MYO18A: variants seen among roughly 807,000 people sequenced by gnomAD.
The protein encoded by MYO18A is myosin XVIIIA, also known as unconventional myosin-XVIIIa.
In MYO18A, 78 loss-of-function variants were observed where a neutral mutation model predicts 235.8. The observed-to-expected ratio is 0.33, with a 90% CI of 0.28 to 0.40. MYO18A has a LOEUF of 0.40. MYO18A is among the 10% of genes least tolerant of loss of function. The pLI is 1.00. For synonymous variants in MYO18A, 977 were observed against 1,077.8 expected, an observed-to-expected ratio of 0.91 and a Z score of 1.83; for missense variants, 2,215 against 2,699.3, an observed-to-expected ratio of 0.82 and a Z score of 3.98.
chr17:29,159,470 AAAAC>A (rs1215221530), intron 2 of MYO18A, among the ~76,000 whole-genome samples: 5 of 152,196 alleles, frequency 3.3e-5, no homozygotes, highest in African/African-American at 4.8e-5. Context: ...AAAACAAAAC[AAAAC>A]AAACAAAAAA....
At chr17:29,075,881 C>G (rs574768942) in intron 41 of MYO18A, 2 of 153,366 alleles carry the variant, frequency 1.3e-5, no homozygotes, top group South Asian at 4.1e-4. Context: ...TCGGCGTGGT[C>G]CCTGGAGCTG....
chr17:29,123,644 G>T (rs925961075), intron 2 of MYO18A, among the ~76,000 whole-genome samples: 6 of 152,198 alleles, frequency 3.9e-5, no homozygotes, highest in African/African-American at 1.4e-4. Flanking sequence ...CGGGTTTCAT[G>T]GACCCATGAA....
Position 29,120,314 on chromosome 17 carries a change from G to A in MYO18A, c.1728+302C>T, listed in dbSNP as rs758059620. On this transcript the variant is annotated intron_variant, in intron 7 of 41. Transcript: ENST00000527372. This position sits in a 1 kb window ranked among gnomAD's most constrained non-coding sequence, Gnocchi z 4.2. The stretch of plus-strand genomic sequence containing the variant: ...GTGAAATCGGCCCGAGAGAAGCCCC[G>A]AGCATGAATCTCAGAAAGTGGGAAG... Among the ~76,000 whole-genome samples the A allele has an allele frequency of 2.6e-5, 4 of 152,224 alleles. No homozygotes were observed. The highest frequency in any genetic ancestry group is 6.5e-5 in the Admixed American group (1 of 15,300).
intron 20 of MYO18A, among the ~76,000 whole-genome samples, chr17:29,104,015 C>G (rs551983873): frequency 3.9e-4 from 59 of 152,318 alleles, no homozygotes; most frequent in African/African-American, 1.3e-3. Context: ...GGCAGAGGAA[C>G]CAGTGTACGC....
intron 1 of MYO18A, among the ~76,000 whole-genome samples, chr17:29,170,819 C>T (rs1386827472): frequency 6.6e-6 from 1 of 152,168 alleles, no homozygotes; most frequent in Non-Finnish European, 1.5e-5. Flanking sequence ...CTCAAATATA[C>T]ATCTATCTGT....
rs2067025008 is a variant in MYO18A at position 29,115,107 on chromosome 17, G to A, written c.2319-8C>T. On this transcript the variant is annotated splice_polypyrimidine_tract_variant and splice_region_variant and intron_variant, in intron 13 of 41. Transcript: ENST00000527372. ...TGGCTGGACTTGAGAGCCCTGGATA[G>A]GGACAGCCTGGGTCAGAGCCTCGCT... is the stretch of plus-strand genomic sequence containing the variant. 2 of 1,608,178 alleles carry A rather than the reference G, an allele frequency of 1.2e-6. No individual in the cohort carries two copies. Among genetic ancestry groups the A allele is most frequent in the African/African-American group, 2.7e-5 (2 of 74,954 alleles).
At position 29,171,474 on chromosome 17, in the gene MYO18A, A is replaced by G. The variant is rs191472589; in HGVS notation, c.-81-4453T>C. 3.3e-3 allele frequency among the ~76,000 whole-genome samples: 499 copies of G among 152,098 alleles called. 2 individuals are homozygous for G. Among genetic ancestry groups the G allele is most frequent in the Non-Finnish European group, 5.2e-3 (357 of 68,010 alleles). On this transcript the variant is annotated intron_variant, in intron 1 of 41. Transcript: ENST00000527372. ...AAGATTTGTGCATTCATTGTTTGTA[A>G]ATATCCACTCAAAAGAAAAGAACTA...
At chr17:29,146,033 G>A (rs981777147) in intron 2 of MYO18A, among the ~76,000 whole-genome samples, 14 of 152,138 alleles carry the variant, frequency 9.2e-5, no homozygotes, top group African/African-American at 3.1e-4. Flanking sequence ...CGAGGTGGGC[G>A]GACCACCTGA....
rs528195737 is a variant in MYO18A at position 29,132,113 on chromosome 17, G to A, written c.1000-9860C>T. On this transcript the variant is annotated intron_variant, in intron 2 of 41. Coordinates refer to ENST00000527372, the MANE Select transcript of MYO18A (RefSeq NM_078471.4). ...GGGAGGGAACCCTGAAGTTAGGGGC[G>A]GGGTATGGAGGAAGGAAAGATGCCT... Among the ~76,000 whole-genome samples, 36 of 152,316 alleles carry A rather than the reference G, an allele frequency of 2.4e-4. No homozygotes were observed. The South Asian group carries it at 2.5e-3, about 11-fold the overall frequency.
chr17:29,114,106 G>T lies in MYO18A; in HGVS notation c.2512-9C>A. On this transcript the variant is annotated splice_polypyrimidine_tract_variant and intron_variant, in intron 14 of 41. Transcript: ENST00000527372. ...GCCAGCTCGATGTTCTCCTGGGAAA[G>T]AAGGCCGAGCGGTAGTGAGCATGGG... is the stretch of plus-strand genomic sequence containing the variant. 6.3e-7 allele frequency: 1 copy of T among 1,587,196 alleles called. No homozygotes were observed.
intron 37 of MYO18A, among the ~76,000 whole-genome samples, chr17:29,089,552 G>A (rs2066344679): frequency 1.3e-5 from 2 of 151,666 alleles, no homozygotes; most frequent in South Asian, 2.1e-4. Context: ...GAATGAAGCA[G>A]GGAAGGGGAG....
At chr17:29,108,303 C>T (rs1403641769) in intron 19 of MYO18A, among the ~76,000 whole-genome samples, 1 of 152,064 alleles carries the variant, frequency 6.6e-6, no homozygotes, top group Non-Finnish European at 1.5e-5. Context: ...GGCTTCAGGT[C>T]AGGGGAGGTG....
chr17:29,124,366 C>A (rs1742133268), intron 2 of MYO18A, among the ~76,000 whole-genome samples: 1 of 152,192 alleles, frequency 6.6e-6, no homozygotes, highest in African/African-American at 2.4e-5. Context: ...CCAGGCCCCC[C>A]TTGGGCTCCA....
In MYO18A at chr17:29,110,107, G is replaced by T. The variant is rs200533364; in HGVS notation, c.3088-6C>A. On this transcript the variant is annotated splice_region_variant and splice_polypyrimidine_tract_variant and intron_variant, in intron 18 of 41. Coordinates refer to ENST00000527372, the MANE Select transcript of MYO18A (RefSeq NM_078471.4). ...ATGGTGTCGATGAGGGCGTCCTGCC[G>T]AGGGGAAGAGACTGCCCTCAGTGGG... The T allele has an allele frequency of 6.2e-7, 1 of 1,607,596 alleles. No individual in the cohort carries two copies. The highest frequency in any genetic ancestry group is 1.1e-5 in the South Asian group (1 of 90,914).
At chr17:29,156,176 A>G (rs1170005609) in intron 2 of MYO18A, among the ~76,000 whole-genome samples, 1 of 152,202 alleles carries the variant, frequency 6.6e-6, no homozygotes, top group Non-Finnish European at 1.5e-5. Flanking sequence ...TCCAGTATGA[A>G]GGCAGTTCAG....
rs554114239 is a variant in MYO18A at position 29,095,190 on chromosome 17, C to T, written c.4386-131G>A. ...GGACCCATGCAGCCCTAACGTGGGGCCAGTTGTAAGGTAGCGGTGACATTT... is the reference window on the plus strand; with the variant it reads ...GGACCCATGCAGCCCTAACGTGGGGTCAGTTGTAAGGTAGCGGTGACATTT... On this transcript the variant is annotated intron_variant, in intron 28 of 41. Transcript: ENST00000527372. The T allele has an allele frequency of 5.3e-5, 70 of 1,326,270 alleles. No individual in the cohort carries two copies. In the African/African-American group the frequency reaches 7.7e-4, roughly 15 times the overall value. 82.2% of individuals were successfully genotyped at this position (1,326,270 alleles called of 1,614,324 possible).
chr17:29,074,622 G>C lies in MYO18A; in HGVS notation c.*148C>G. 1 of 827,972 alleles carries C rather than the reference G, an allele frequency of 1.2e-6. No homozygotes were observed. Among genetic ancestry groups the C allele is most frequent in the Non-Finnish European group, 2.0e-6 (1 of 512,642 alleles). The allele number at this position is 827,972 out of a possible 1,614,324, so 51.3% of individuals were successfully genotyped here. ...GGAGACATCAGACACCCATAGCCTGGAAAGTGCCCCTGACAGAAGAAGGTC... is the reference window on the plus strand; with the variant it reads ...GGAGACATCAGACACCCATAGCCTGCAAAGTGCCCCTGACAGAAGAAGGTC... On this transcript the variant is annotated 3_prime_UTR_variant, in exon 42 of 42. Transcript: ENST00000527372. This position sits in a 1 kb window ranked among gnomAD's most constrained non-coding sequence, Gnocchi z 4.4.
chr17:29,121,842 C>T lies in MYO18A; in HGVS notation c.1194+9G>A, dbSNP rs371153509. On this transcript the variant is annotated intron_variant, in intron 4 of 41. Transcript: ENST00000527372. This position sits in a 1 kb window ranked among gnomAD's most constrained non-coding sequence, Gnocchi z 4.2. ...CTCCTCCCCCACACCCAGCCCCCTG[C>T]CCACCTACCTTCTCAACGTCATCCT... 104 of 1,613,640 alleles carry T rather than the reference C, an allele frequency of 6.4e-5. No homozygotes were observed. The highest frequency in any genetic ancestry group is 1.6e-4 in the Middle Eastern group (1 of 6,062).
chr17:29,093,910 A>T, intron 31 of MYO18A, 70 bp downstream of exon 31: 1 of 1,140,536 alleles, frequency 8.8e-7, no homozygotes, highest in East Asian at 2.6e-5. Context: ...GGAGGTGGAA[A>T]GCCCCTTACT....
Sources: allele counts gnomAD v4.1 joint callset (sites outside exome capture counted in the v4.1 genomes callset), GRCh38; gene constraint gnomAD v4.1.1; non-coding constraint Gnocchi (gnomAD v3.1); transcripts MANE v1.5; gene names NCBI Gene and HGNC (gene_info 2026-07-23, HGNC 2026-07-21).